CCNY: variants seen among roughly 807,000 people sequenced by gnomAD.
CCNY encodes the protein cyclin Y, also known as cyclin-Y.
Under a neutral mutation model 42.8 loss-of-function variants are expected in CCNY, and 19 were observed. The observed-to-expected ratio is 0.44, with a 90% CI of 0.31 to 0.65. The LOEUF is 0.65. Ranked by LOEUF, CCNY falls within the 30% of genes least tolerant of loss-of-function variation. CCNY has a pLI of 0.07. For missense variants in CCNY, 370 were observed against 437.3 expected (o/e 0.85, Z 1.37); for synonymous variants, 165 against 162.7 (o/e 1.01, Z -0.11).
At chr10:35,521,995 C>G (rs1408976631) in intron 4 of CCNY, among the ~76,000 whole-genome samples, 1 of 152,184 alleles carries the variant, frequency 6.6e-6, no homozygotes, top group Non-Finnish European at 1.5e-5. Flanking sequence ...CCAAATTTGA[C>G]AAGACCTTCT....
At chr10:35,402,698 G>A (rs1837669483) in intron 1 of CCNY, among the ~76,000 whole-genome samples, 1 of 152,174 alleles carries the variant, frequency 6.6e-6, no homozygotes, top group Non-Finnish European at 1.5e-5. Flanking sequence ...ACAGGAATGA[G>A]AATAAGAGTA....
chr10:35,336,814 C>A lies in CCNY; in HGVS notation c.-240C>A. ...GCTCCTCCGCCGCGGATAGGCCGGC[C>A]GAGGGGGAGCCGGGGCCGTCGCCCG... is the stretch of plus-strand genomic sequence containing the variant. On this transcript the variant is annotated 5_prime_UTR_variant, in exon 1 of 10. Transcript: ENST00000374704. 1 of 147,404 alleles carries A rather than the reference C, an allele frequency of 6.8e-6. No homozygotes were observed. The highest frequency in any genetic ancestry group is 1.8e-4 in the South Asian group (1 of 5,528). 9.1% of individuals were successfully genotyped at this position (147,404 alleles called of 1,614,324 possible).
chr10:35,480,729 G>A (rs1489357111), intron 1 of CCNY, among the ~76,000 whole-genome samples: 6 of 152,192 alleles, frequency 3.9e-5, no homozygotes, highest in African/African-American at 7.2e-5. Context: ...CACTTTGGGA[G>A]GCTGAAGCAG....
intron 1 of CCNY, among the ~76,000 whole-genome samples, chr10:35,387,310 C>T (rs1393153803): frequency 6.6e-6 from 1 of 152,288 alleles, no homozygotes; most frequent in Non-Finnish European, 1.5e-5. Context: ...TGAGGGGTTG[C>T]GGGAGCTCCC....
At chr10:35,400,838 G>A (rs1837627816) in intron 1 of CCNY, among the ~76,000 whole-genome samples, 1 of 152,232 alleles carries the variant, frequency 6.6e-6, no homozygotes, top group Non-Finnish European at 1.5e-5. Flanking sequence ...CCATGGTGCA[G>A]TTGCTGTGGA....
At chr10:35,416,861 A>G (rs1194668418) in intron 1 of CCNY, among the ~76,000 whole-genome samples, 1 of 152,086 alleles carries the variant, frequency 6.6e-6, no homozygotes, top group Non-Finnish European at 1.5e-5. Context: ...TGGCAGCGGG[A>G]CTACACTCTA....
chr10:35,296,930 G>C (rs1835477574), intron 3 of CCNY, among the ~76,000 whole-genome samples: 1 of 151,840 alleles, frequency 6.6e-6, no homozygotes, highest in African/African-American at 2.4e-5. Flanking sequence ...TTGAGGGGAG[G>C]GTCTCCTCTC....
chr10:35,372,836 G>A (rs1187678321), intron 1 of CCNY, among the ~76,000 whole-genome samples: 1 of 151,984 alleles, frequency 6.6e-6, no homozygotes, highest in African/African-American at 2.4e-5. Context: ...AGCAGCTGGC[G>A]TTACAGGCGC....
At chr10:35,296,204 CA>C (rs1158767210) in intron 3 of CCNY, among the ~76,000 whole-genome samples, 1 of 151,992 alleles carries the variant, frequency 6.6e-6, no homozygotes, top group Non-Finnish European at 1.5e-5. Context: ...AATTGAGAAG[CA>C]AAAAACTATA....
intron 1 of CCNY, among the ~76,000 whole-genome samples, chr10:35,370,777 G>A (rs1344349618): frequency 1.3e-5 from 2 of 151,424 alleles, no homozygotes; most frequent in East Asian, 3.9e-4. Flanking sequence ...GTGCAGTGGG[G>A]CCATCTTGGC....
chr10:35,469,380 G>C (rs1056101783), intron 1 of CCNY, among the ~76,000 whole-genome samples: 1 of 152,066 alleles, frequency 6.6e-6, no homozygotes, highest in Non-Finnish European at 1.5e-5. Flanking sequence ...TTATCTCCTT[G>C]ATTAATCTTA....
chr10:35,412,860 C>CAAAAAAAA (rs10558250), intron 1 of CCNY, among the ~76,000 whole-genome samples: 16 of 34,760 alleles, frequency 4.6e-4, no homozygotes, highest in African/African-American at 1.5e-3. Context: ...GACTCTGTCT[C>CAAAAAAAA]AAAAAAAAAA....
chr10:35,288,669 C>T (rs914370287), intron 3 of CCNY, among the ~76,000 whole-genome samples: 1 of 152,160 alleles, frequency 6.6e-6, no homozygotes, highest in Non-Finnish European at 1.5e-5. Flanking sequence ...TGACGTTAAG[C>T]GTCAAGGTTC....
intron 8 of CCNY, among the ~76,000 whole-genome samples, chr10:35,561,497 C>T (rs538224618): frequency 1.3e-5 from 2 of 152,286 alleles, no homozygotes; most frequent in East Asian, 3.9e-4. Context: ...CTGTGGTTAG[C>T]TGGTCTCAGT....
At chr10:35,351,078 G>A (rs894145831) in intron 1 of CCNY, among the ~76,000 whole-genome samples, 6 of 152,154 alleles carry the variant, frequency 3.9e-5, no homozygotes, top group Admixed American at 1.3e-4. Context: ...TATTAGGAAA[G>A]TTATCATTAT....
Position 35,543,119 on chromosome 10 carries a change from A to G in CCNY, c.580-9900A>G, listed in dbSNP as rs546276765. 2.0e-4 allele frequency among the ~76,000 whole-genome samples: 31 copies of G among 152,286 alleles called. No individual in the cohort carries two copies. In the South Asian group the frequency reaches 5.8e-3, roughly 28 times the overall value. ...AAGAATGCTGTTCATAATCTTGTAT[A>G]TTTGTTTAAAACCCCACTAATCGGG... On this transcript the variant is annotated intron_variant, in intron 7 of 9. Coordinates refer to ENST00000374704, the MANE Select transcript of CCNY (RefSeq NM_145012.6).
intron 1 of CCNY, among the ~76,000 whole-genome samples, chr10:35,362,807 A>G (rs1589061796): frequency 6.8e-6 from 1 of 147,270 alleles, no homozygotes; most frequent in African/African-American, 2.5e-5. Flanking sequence ...GGCGCTCCTC[A>G]CTCCCCAGAT....
At chr10:35,528,991 G>A (rs1489766137) in intron 5 of CCNY, among the ~76,000 whole-genome samples, 1 of 152,114 alleles carries the variant, frequency 6.6e-6, no homozygotes, top group Non-Finnish European at 1.5e-5. Context: ...AATTTTTTAG[G>A]CAAAACTTAA....
At chr10:35,462,859 G>T (rs1174086763) in intron 1 of CCNY, among the ~76,000 whole-genome samples, 1 of 152,252 alleles carries the variant, frequency 6.6e-6, no homozygotes. Flanking sequence ...GCACTGCTGT[G>T]CTGTGAGGAA....
Sources: allele counts gnomAD v4.1 joint callset (sites outside exome capture counted in the v4.1 genomes callset), GRCh38; gene constraint gnomAD v4.1.1; transcripts MANE v1.5; gene names NCBI Gene and HGNC (gene_info 2026-07-23, HGNC 2026-07-21).